The following LONRF1 variants were observed in gnomAD, a reference collection of about 807,000 sequenced individuals.
The protein encoded by LONRF1 is LON peptidase N-terminal domain and ring finger 1, also known as LON peptidase N-terminal domain and RING finger protein 1.
In LONRF1, 37 loss-of-function variants were observed where a neutral mutation model predicts 85.8. That is an observed-to-expected ratio of 0.43 (90% confidence interval 0.33 to 0.57). The LOEUF (loss-of-function observed/expected upper bound fraction) is 0.57. LONRF1 is among the 20% of genes least tolerant of loss of function. The pLI, the probability that LONRF1 is intolerant of heterozygous loss-of-function variation, is 0.04. For missense variants in LONRF1, 1,036 were observed against 978.0 expected (o/e 1.06, Z -0.79); for synonymous variants, 517 against 390.1 (o/e 1.33, Z -3.83).
chr8:12,734,752 T>G (rs1014082585), intron 7 of LONRF1, among the ~76,000 whole-genome samples: 1 of 152,192 alleles, frequency 6.6e-6, no homozygotes, highest in Non-Finnish European at 1.5e-5. Context: ...TACTTAAATT[T>G]AAGTTAATAA....
rs762854934 is a variant in LONRF1, at chr8:12,736,991, T to C, written c.1263A>G (p.Glu421=). The C allele has an allele frequency of 8.7e-6, 14 of 1,613,526 alleles. No homozygotes were observed. In the East Asian group the frequency reaches 3.1e-4, roughly 36 times the overall value. ...VSSEPVLSVQ[E]KGVLLKRKLS... is the part of the protein sequence containing the mutation. ...ACTTTCTTTTCAGCAGAACACCTTT[T>C]TCTTGAACTGACAGAACAGGTTCTG... The change falls in exon 5 of 12, where the codon GAA becomes GAG. Residue 421 remains glutamate, a synonymous_variant. Transcript: ENST00000398246.
Position 12,722,960 on chromosome 8 carries a change from G to T in LONRF1, c.*136C>A. On this transcript the variant is annotated 3_prime_UTR_variant, in exon 12 of 12. Transcript: ENST00000398246. ...AAGGTATTCATTTGCAGAACCACATGATTCAGGAGGTCGAAGGAAAAAGAA... is the reference window on the plus strand; with the variant it reads ...AAGGTATTCATTTGCAGAACCACATTATTCAGGAGGTCGAAGGAAAAAGAA... The T allele has an allele frequency of 1.3e-6, 1 of 783,634 alleles. No individual in the cohort carries two copies. Among genetic ancestry groups the T allele is most frequent in the Middle Eastern group, 3.9e-4 (1 of 2,548 alleles). 48.5% of individuals were successfully genotyped at this position (783,634 alleles called of 1,614,324 possible). A position where few individuals can be genotyped will look rare whatever the true frequency, so the allele number is the denominator to read the frequency against.
At chr8:12,726,009 G>C (rs987293967) in intron 10 of LONRF1, 130 bp from the exon 11 acceptor site, 13 of 765,938 alleles carry the variant, frequency 1.7e-5, no homozygotes, top group Admixed American at 1.6e-4. Context: ...ACGTCCCAGA[G>C]AGTATTATTC....
Position 12,731,778 on chromosome 8 carries a change from TCAGA to T in LONRF1, c.1642_1645del (p.Ser548ArgfsTer16), listed in dbSNP as rs1383260133. The T allele has an allele frequency of 3.1e-6, 5 of 1,613,182 alleles. No homozygotes were observed. Among genetic ancestry groups the T allele is most frequent in the Non-Finnish European group, 2.5e-6 (3 of 1,179,464 alleles). On this transcript the variant is annotated frameshift_variant, in exon 8 of 12. Coordinates refer to ENST00000398246, the MANE Select transcript of LONRF1 (RefSeq NM_152271.5). LOFTEE classifies it high-confidence loss of function. ...TTCTTCATCATATATTTTTTTTCTC[TCAGA>T]CAGTTCATCAGGCAGATACTTCACT...
chr8:12,744,256 C>G (rs7842201), intron 1 of LONRF1, among the ~76,000 whole-genome samples: 146,263 of 152,244 alleles, frequency 0.96, 70,526 homozygotes, highest in East Asian at 1. Flanking sequence ...CTTTTCTATT[C>G]AAAACTCTCA....
At chr8:12,750,402 A>G (rs1259319968) in intron 1 of LONRF1, among the ~76,000 whole-genome samples, 1 of 152,202 alleles carries the variant, frequency 6.6e-6, no homozygotes, top group Non-Finnish European at 1.5e-5. Context: ...TATATATACT[A>G]TCATACCTGT....
chr8:12,751,301 T>TTTTTTTTTTGTTTTTG (rs1554469357), intron 1 of LONRF1, among the ~76,000 whole-genome samples: 9 of 89,280 alleles, frequency 1.0e-4, no homozygotes, highest in South Asian at 9.4e-4. Context: ...TTTATGTTTT[T>TTTTTTTTTTGTTTTTG]TTTTTTTTTT....
intron 3 of LONRF1, chr8:12,738,721 C>G (rs1182037633): frequency 6.6e-6 from 1 of 152,146 alleles, no homozygotes; most frequent in African/African-American, 2.4e-5. Context: ...AGCTGGGAGA[C>G]AGCTGGAGAA....
intron 10 of LONRF1, among the ~76,000 whole-genome samples, chr8:12,728,355 G>A (rs1798399962): frequency 6.6e-6 from 1 of 152,134 alleles, no homozygotes; most frequent in Non-Finnish European, 1.5e-5. Context: ...TTCTATGTCT[G>A]CCCCAGGGTC....
At chr8:12,725,657 C>T in intron 11 of LONRF1, 70 bp downstream of exon 11, 1 of 1,471,678 alleles carries the variant, frequency 6.8e-7, no homozygotes. Flanking sequence ...AATGAGAAAA[C>T]AAATGTAGAA....
chr8:12,748,219 A>C (rs1799241679), intron 1 of LONRF1, among the ~76,000 whole-genome samples: 1 of 152,146 alleles, frequency 6.6e-6, no homozygotes, highest in South Asian at 2.1e-4. Flanking sequence ...TTTATTTGAG[A>C]AAAGATCTAA....
At chr8:12,750,560 C>A (rs1193528074) in intron 1 of LONRF1, among the ~76,000 whole-genome samples, 2 of 152,164 alleles carry the variant, frequency 1.3e-5, no homozygotes, top group African/African-American at 4.8e-5. Context: ...ATGTGGGTAA[C>A]TGAAACCACA....
intron 2 of LONRF1, among the ~76,000 whole-genome samples, chr8:12,742,681 G>C (rs1039799562): frequency 3.9e-5 from 6 of 151,910 alleles, no homozygotes; most frequent in Non-Finnish European, 7.4e-5. Flanking sequence ...ATTTATGAAA[G>C]AAAAGTCTCT....
chr8:12,744,921 C>CT (rs141547271), intron 1 of LONRF1, among the ~76,000 whole-genome samples: 2,574 of 152,102 alleles, frequency 0.017, 86 homozygotes, highest in African/African-American at 0.059. Context: ...GTTCTCACTC[C>CT]TTTATATTTG....
At chr8:12,749,428 A>T (rs1799291238) in intron 1 of LONRF1, among the ~76,000 whole-genome samples, 1 of 152,226 alleles carries the variant, frequency 6.6e-6, no homozygotes, top group South Asian at 2.1e-4. Context: ...CAATAATAAA[A>T]CAATTCCAAT....
intron 1 of LONRF1, among the ~76,000 whole-genome samples, chr8:12,751,294 A>ATGGTTTTTTTTTGTT (rs1438009366): frequency 0.02 from 1,719 of 84,536 alleles, 27 homozygotes; most frequent in Middle Eastern, 0.026. Flanking sequence ...TTTTATTTTT[A>ATGGTTTTTTTTTGTT]TGTTTTTTTT....
intron 1 of LONRF1, among the ~76,000 whole-genome samples, chr8:12,751,296 G>GGT (rs1365011980): frequency 2.9e-5 from 2 of 69,536 alleles, no homozygotes; most frequent in Non-Finnish European, 5.7e-5. Context: ...TTATTTTTAT[G>GGT]TTTTTTTTTT....
chr8:12,746,884 TAG>T (rs1489858328), intron 1 of LONRF1, among the ~76,000 whole-genome samples: 4 of 152,208 alleles, frequency 2.6e-5, no homozygotes, highest in Non-Finnish European at 5.9e-5. Context: ...AGGCTTACTC[TAG>T]AGAGTAAGTT....
intron 1 of LONRF1, chr8:12,753,201 C>T (rs2117364530): frequency 6.6e-6 from 1 of 152,226 alleles, no homozygotes; most frequent in East Asian, 1.9e-4. Flanking sequence ...TGAAAGAATA[C>T]AAAAATCTCC....
Sources: allele counts gnomAD v4.1 joint callset (sites outside exome capture counted in the v4.1 genomes callset), GRCh38; gene constraint gnomAD v4.1.1; transcripts MANE v1.5; gene names NCBI Gene and HGNC (gene_info 2026-07-23, HGNC 2026-07-21).